The following MAPK10 variants were observed in gnomAD, a reference collection of about 807,000 sequenced individuals.
MAPK10 encodes the protein mitogen-activated protein kinase 10.
Under a neutral mutation model 59.3 loss-of-function variants are expected in MAPK10, and 25 were observed. The observed-to-expected ratio is 0.42, with a 90% CI of 0.31 to 0.59. MAPK10 has a LOEUF of 0.59. MAPK10 is among the 20% of genes least tolerant of loss of function. The pLI is 0.15. For synonymous variants in MAPK10, 190 were observed against 200.5 expected, an observed-to-expected ratio of 0.95 and a Z score of 0.44; for missense variants, 351 against 568.9, an observed-to-expected ratio of 0.62 and a Z score of 3.90.
intron 4 of MAPK10, among the ~76,000 whole-genome samples, chr4:86,110,858 C>A (rs1205932108): frequency 6.6e-6 from 1 of 152,144 alleles, no homozygotes. Context: ...TTCTTCCTAT[C>A]CATGAGCACG....
chr4:86,359,288 C>CTCTGTGTG (rs796310826), intron 1 of MAPK10, among the ~76,000 whole-genome samples: 28 of 94,632 alleles, frequency 3.0e-4, no homozygotes, highest in African/African-American at 1.5e-3. Flanking sequence ...CTCTCTCTCT[C>CTCTGTGTG]TGTGTGTGTG....
At chr4:86,071,539 G>A (rs1443087343) in intron 9 of MAPK10, among the ~76,000 whole-genome samples, 6 of 147,310 alleles carry the variant, frequency 4.1e-5, no homozygotes, top group Middle Eastern at 3.4e-3. Flanking sequence ...TAACGTTTAA[G>A]TCTTTAATCC....
At chr4:86,531,514 G>T (rs1338382888) in intron 1 of MAPK10, among the ~76,000 whole-genome samples, 1 of 152,148 alleles carries the variant, frequency 6.6e-6, no homozygotes, top group Non-Finnish European at 1.5e-5. Context: ...GCAGGAAAGA[G>T]GAAGCACTGG....
intron 2 of MAPK10, among the ~76,000 whole-genome samples, chr4:86,330,198 T>C: frequency 6.6e-6 from 1 of 152,178 alleles, no homozygotes; most frequent in East Asian, 1.9e-4. Context: ...TTGTTTTCAG[T>C]TTTTTTGTGT....
chr4:86,322,210 C>T (rs2095911155), intron 2 of MAPK10, among the ~76,000 whole-genome samples: 1 of 152,170 alleles, frequency 6.6e-6, no homozygotes, highest in African/African-American at 2.4e-5. Context: ...CTTCTGACAA[C>T]ATTGTTTACA....
intron 1 of MAPK10, among the ~76,000 whole-genome samples, chr4:86,380,096 C>T (rs1184890772): frequency 6.6e-6 from 1 of 152,048 alleles, no homozygotes; most frequent in African/African-American, 2.4e-5. Context: ...CATGGTGGTG[C>T]CTATAATCCC....
At chr4:86,117,826 C>T (rs1387214199) in intron 4 of MAPK10, 1 of 152,172 alleles carries the variant, frequency 6.6e-6, no homozygotes, top group Non-Finnish European at 1.5e-5. Context: ...CCAATGAACT[C>T]CAGGTTCCAC....
At chr4:86,202,546 C>T (rs1448715173) in intron 2 of MAPK10, among the ~76,000 whole-genome samples, 3 of 151,850 alleles carry the variant, frequency 2.0e-5, no homozygotes, top group African/African-American at 7.2e-5. Flanking sequence ...TAAATTATCT[C>T]CTCATATTGA....
intron 4 of MAPK10, among the ~76,000 whole-genome samples, chr4:86,137,903 A>T (rs1275931063): frequency 3.2e-4 from 47 of 148,648 alleles, no homozygotes; most frequent in African/African-American, 1.1e-3. Context: ...AATACTACAA[A>T]CACCTCTACG....
At chr4:86,242,196 G>A (rs1379755565) in intron 2 of MAPK10, among the ~76,000 whole-genome samples, 3 of 152,106 alleles carry the variant, frequency 2.0e-5, no homozygotes, top group Non-Finnish European at 2.9e-5. Flanking sequence ...CATTCAAGGA[G>A]GCTGGAGAAC....
At chr4:86,139,234 A>G (rs1219286959) in intron 4 of MAPK10, among the ~76,000 whole-genome samples, 2 of 148,086 alleles carry the variant, frequency 1.4e-5, no homozygotes, top group Non-Finnish European at 3.0e-5. Flanking sequence ...AGTCAATCCT[A>G]AGCCAAAAGA....
At chr4:86,040,735 A>C (rs1194758257) in intron 11 of MAPK10, 1 of 152,172 alleles carries the variant, frequency 6.6e-6, no homozygotes, top group Non-Finnish European at 1.5e-5. Flanking sequence ...AGAGAAAAGA[A>C]GCAAATAACA....
At chr4:86,375,028 T>C (rs990429831) in intron 1 of MAPK10, among the ~76,000 whole-genome samples, 1 of 152,242 alleles carries the variant, frequency 6.6e-6, no homozygotes, top group African/African-American at 2.4e-5. Context: ...TGCTCTTTCA[T>C]GGAGCTCAAT....
chr4:86,435,913 T>C (rs978230667), intron 1 of MAPK10, among the ~76,000 whole-genome samples: 2 of 152,328 alleles, frequency 1.3e-5, no homozygotes, highest in African/African-American at 4.8e-5. Flanking sequence ...CTAAAAATCA[T>C]TGTGTATATT....
intron 9 of MAPK10, among the ~76,000 whole-genome samples, chr4:86,098,183 G>T (rs1364695598): frequency 6.6e-6 from 1 of 152,054 alleles, no homozygotes; most frequent in Non-Finnish European, 1.5e-5. Context: ...AAAATGACTT[G>T]CAAATAGTGA....
intron 1 of MAPK10, among the ~76,000 whole-genome samples, chr4:86,412,822 T>C (rs1745365937): frequency 6.6e-6 from 1 of 152,210 alleles, no homozygotes; most frequent in African/African-American, 2.4e-5. Flanking sequence ...TCAAGGTTTT[T>C]AGCTTCCTTG....
At chr4:86,235,098 T>C (rs992666184) in intron 2 of MAPK10, among the ~76,000 whole-genome samples, 12 of 152,200 alleles carry the variant, frequency 7.9e-5, no homozygotes, top group African/African-American at 2.7e-4. Flanking sequence ...ATCTGTGTTT[T>C]TTGCACAAAT....
At chr4:86,208,870 A>G (rs965105980) in intron 2 of MAPK10, among the ~76,000 whole-genome samples, 1 of 152,164 alleles carries the variant, frequency 6.6e-6, no homozygotes, top group African/African-American at 2.4e-5. Flanking sequence ...CAATAAAATA[A>G]TTAAGAATTT....
intron 1 of MAPK10, among the ~76,000 whole-genome samples, chr4:86,435,882 C>A (rs1365100568): frequency 6.6e-6 from 1 of 152,168 alleles, no homozygotes; most frequent in East Asian, 1.9e-4. Flanking sequence ...CCAGGACTAA[C>A]AATAGCCAGT....
Sources: gnomAD v4.1 joint callset for allele counts (sites outside exome capture counted in the v4.1 genomes callset) on GRCh38, gnomAD v4.1.1 for gene constraint, MANE v1.5 for transcripts, NCBI Gene and HGNC (gene_info 2026-07-23, HGNC 2026-07-21) for gene names.